The following ZNF385D variants were observed in gnomAD, a reference collection of about 807,000 sequenced individuals.
ZNF385D encodes the protein zinc finger protein 659.
A neutral mutation model predicts 35.8 loss-of-function variants in ZNF385D; 15 were observed. That is an observed-to-expected ratio of 0.42 (90% CI 0.28 to 0.64). ZNF385D has a LOEUF of 0.64. ZNF385D is among the 30% of genes least tolerant of loss of function. The probability of loss-of-function intolerance (pLI) is 0.23; values close to 1 mark genes in which losing one functional copy is unlikely to be tolerated. For synonymous variants in ZNF385D, 212 were observed against 186.8 expected (o/e 1.13, Z -1.10); for missense variants, 474 against 494.6 (o/e 0.96, Z 0.39).
At chr3:22,334,402 C>T (rs1695074608) in intron 2 of ZNF385D, among the ~76,000 whole-genome samples, 1 of 152,034 alleles carries the variant, frequency 6.6e-6, no homozygotes, top group South Asian at 2.1e-4. Context: ...TTACCCTTTC[C>T]AAATTATATT....
At chr3:21,660,635 G>A (rs1254236344) in intron 2 of ZNF385D, among the ~76,000 whole-genome samples, 2 of 152,180 alleles carry the variant, frequency 1.3e-5, no homozygotes, top group East Asian at 1.9e-4. Context: ...GACGCTAGGA[G>A]AAAACTGTCA....
intron 3 of ZNF385D, among the ~76,000 whole-genome samples, chr3:22,130,439 C>T (rs886652345): frequency 1.3e-5 from 2 of 152,096 alleles, no homozygotes; most frequent in African/African-American, 2.4e-5. Context: ...TGTGCTTTAG[C>T]CCACTGTGAT....
At chr3:21,826,985 A>G (rs1694684224) in intron 3 of ZNF385D, among the ~76,000 whole-genome samples, 1 of 152,130 alleles carries the variant, frequency 6.6e-6, no homozygotes. Flanking sequence ...AGCTTTCATC[A>G]GCTCACTTCC....
In ZNF385D at chr3:21,837,388, T is replaced by A. The variant is rs1695395817; in HGVS notation, c.326-172360A>T. On this transcript the variant is annotated intron_variant, in intron 3 of 5. Transcript: ENST00000494108. ...CATGTAGCTGTTTTCAGCTGGGAGG[T>A]AGATAGGGGTCTGGAATCAGATGGT... 2.6e-5 allele frequency among the ~76,000 whole-genome samples: 4 copies of A among 151,854 alleles called. No individual in the cohort carries two copies. The South Asian group carries it at 8.3e-4, about 31-fold the overall frequency.
intron 3 of ZNF385D, among the ~76,000 whole-genome samples, chr3:21,907,923 G>T (rs1699761468): frequency 1.3e-5 from 2 of 151,958 alleles, no homozygotes; most frequent in Non-Finnish European, 2.9e-5. Context: ...AATAGGCCCA[G>T]AAAGACCTTT....
At chr3:21,856,640 A>C (rs1056757237) in intron 3 of ZNF385D, among the ~76,000 whole-genome samples, 1 of 151,614 alleles carries the variant, frequency 6.6e-6, no homozygotes, top group African/African-American at 2.4e-5. Flanking sequence ...CCAGAATCTG[A>C]CCACACACTC....
rs776822552 is a variant in ZNF385D at position 21,437,071 on chromosome 3, G to A, written c.572C>T (p.Pro191Leu). ...PTTATGNSSC[P>L]STETEEEKAK... ...CTTTTCTTCCTCGGTCTCAGTAGAA[G>A]GACATGAGCTATTGCCAGTGGCTGT... The change falls in exon 5 of 8, where the codon CCT (proline) becomes CTT (leucine). Residue 191 changes from proline (P) to leucine (L), a missense_variant. Pro to Leu is a moderately conservative substitution (Grantham distance 98). Transcript: ENST00000281523. The A allele has an allele frequency of 2.5e-6, 4 of 1,614,002 alleles. No homozygotes were observed. The South Asian group carries it at 3.3e-5, about 13-fold the overall frequency.
At chr3:21,874,993 TTTA>T (rs1697889057) in intron 3 of ZNF385D, among the ~76,000 whole-genome samples, 1 of 152,040 alleles carries the variant, frequency 6.6e-6, no homozygotes, top group South Asian at 2.1e-4. Flanking sequence ...GATGCCTTTT[TTTA>T]TTTTGATGTT....
chr3:22,033,988 C>T (rs1239349513), intron 3 of ZNF385D, among the ~76,000 whole-genome samples: 2 of 152,178 alleles, frequency 1.3e-5, no homozygotes, highest in African/African-American at 4.8e-5. Context: ...TTGCTTAGGA[C>T]AGTCCCTTTT....
chr3:21,710,227 A>G (rs2068050497), intron 1 of ZNF385D, among the ~76,000 whole-genome samples: 1 of 152,226 alleles, frequency 6.6e-6, no homozygotes, highest in South Asian at 2.1e-4. Flanking sequence ...TAGTGGTTAC[A>G]TAGACTGCAT....
chr3:21,800,648 G>C (rs942493184), intron 3 of ZNF385D, among the ~76,000 whole-genome samples: 1 of 152,006 alleles, frequency 6.6e-6, no homozygotes, highest in Non-Finnish European at 1.5e-5. Flanking sequence ...TTATTTCCAA[G>C]TGTTTTTATT....
At chr3:21,774,063 T>C (rs1271077768) in intron 3 of ZNF385D, among the ~76,000 whole-genome samples, 1 of 151,980 alleles carries the variant, frequency 6.6e-6, no homozygotes, top group African/African-American at 2.4e-5. Context: ...ATGTGGTACA[T>C]ATACACCATG....
intron 3 of ZNF385D, among the ~76,000 whole-genome samples, chr3:21,522,591 G>A (rs1707976697): frequency 6.6e-6 from 1 of 152,110 alleles, no homozygotes; most frequent in African/African-American, 2.4e-5. Flanking sequence ...GCCTGCCTCA[G>A]CCTCCCAAAG....
intron 3 of ZNF385D, among the ~76,000 whole-genome samples, chr3:22,021,284 C>G (rs1697212107): frequency 6.6e-6 from 1 of 151,942 alleles, no homozygotes; most frequent in Non-Finnish European, 1.5e-5. Context: ...TGTGAAGCAT[C>G]CAGTGTCATA....
chr3:21,517,172 A>G (rs1486966329), intron 3 of ZNF385D, among the ~76,000 whole-genome samples: 2 of 152,118 alleles, frequency 1.3e-5, no homozygotes, highest in Non-Finnish European at 2.9e-5. Context: ...CAAGTGACTC[A>G]GCCCACAGTT....
At chr3:21,731,656 C>T (rs1184287040) in intron 1 of ZNF385D, among the ~76,000 whole-genome samples, 1 of 152,138 alleles carries the variant, frequency 6.6e-6, no homozygotes, top group Non-Finnish European at 1.5e-5. Flanking sequence ...TGTGTTCTAC[C>T]TATTAATCCC....
At chr3:21,560,353 T>C (rs893440100) in intron 3 of ZNF385D, among the ~76,000 whole-genome samples, 1 of 152,160 alleles carries the variant, frequency 6.6e-6, no homozygotes, top group African/African-American at 2.4e-5. Context: ...TCAGTGGACT[T>C]CCTTTTTGTT....
At position 21,414,687 on chromosome 3, in the gene ZNF385D, T is replaced by C. The variant is rs1700538118; in HGVS notation, c.*6527A>G. 6.6e-6 allele frequency: 1 copy of C among 152,092 alleles called. No homozygotes were observed. The highest frequency in any genetic ancestry group is 1.5e-5 in the Non-Finnish European group (1 of 67,994). The allele number at this position is 152,092 out of a possible 1,614,324, so 9.4% of individuals were successfully genotyped here. A position where few individuals can be genotyped will look rare whatever the true frequency, so the allele number is the denominator to read the frequency against. Reference sequence around the variant, plus strand: ...ATTGGCCCAGTTTCCTCGTAGATGATTGGTAGTGAAGCCAACAACTGTGTT... The same window carrying C: ...ATTGGCCCAGTTTCCTCGTAGATGACTGGTAGTGAAGCCAACAACTGTGTT... On this transcript the variant is annotated 3_prime_UTR_variant, in exon 8 of 8. Transcript: ENST00000281523.
chr3:22,278,473 T>A (rs550251464), intron 2 of ZNF385D, among the ~76,000 whole-genome samples: 1 of 152,238 alleles, frequency 6.6e-6, no homozygotes, highest in South Asian at 2.1e-4. Flanking sequence ...CTCTTTTCTG[T>A]CCATGAATTA....
Sources: allele counts gnomAD v4.1 joint callset (sites outside exome capture counted in the v4.1 genomes callset), GRCh38; gene constraint gnomAD v4.1.1; transcripts MANE v1.5; gene names NCBI Gene and HGNC (gene_info 2026-07-23, HGNC 2026-07-21).